ANKS1B: variants seen among roughly 807,000 people sequenced by gnomAD.
The protein encoded by ANKS1B is ankyrin repeat and sterile alpha motif domain containing 1B.
Under a neutral mutation model 148.3 loss-of-function variants are expected in ANKS1B, and 36 were observed. That is an observed-to-expected ratio of 0.24 (90% confidence interval 0.19 to 0.32). ANKS1B has a LOEUF of 0.32. Ranked by LOEUF, ANKS1B falls within the 10% of genes least tolerant of loss-of-function variation. The pLI is 1.00. For missense variants in ANKS1B, 1,157 were observed against 1,542.6 expected, an observed-to-expected ratio of 0.75 and a Z score of 4.19; for synonymous variants, 542 against 560.8, an observed-to-expected ratio of 0.97 and a Z score of 0.47.
intron 12 of ANKS1B, among the ~76,000 whole-genome samples, chr12:99,355,371 T>C (rs2091874553): frequency 6.6e-6 from 1 of 152,206 alleles, no homozygotes. Context: ...TTTGAAGTAT[T>C]TGCAGTCTTA....
intron 10 of ANKS1B, among the ~76,000 whole-genome samples, chr12:99,467,479 G>A (rs1364914661): frequency 6.6e-6 from 1 of 152,132 alleles, no homozygotes; most frequent in African/African-American, 2.4e-5. Flanking sequence ...TATTCGATTA[G>A]GAAAAGAGGA....
At chr12:99,807,080 T>C (rs1158032709) in intron 3 of ANKS1B, among the ~76,000 whole-genome samples, 3 of 152,180 alleles carry the variant, frequency 2.0e-5, no homozygotes, top group Non-Finnish European at 4.4e-5. Flanking sequence ...TAACAGACTT[T>C]TAATAGACTG....
At chr12:99,391,912 C>T (rs1051147450) in intron 12 of ANKS1B, among the ~76,000 whole-genome samples, 2 of 152,172 alleles carry the variant, frequency 1.3e-5, no homozygotes, top group Non-Finnish European at 2.9e-5. Context: ...TTTACCATTA[C>T]ATCTATATGC....
intron 9 of ANKS1B, among the ~76,000 whole-genome samples, chr12:99,581,915 A>G (rs2097574549): frequency 6.6e-6 from 1 of 150,662 alleles, no homozygotes. Flanking sequence ...AAAAAAAAAA[A>G]GAAAAAAGAA....
chr12:99,201,857 T>C (rs965696192), intron 14 of ANKS1B, among the ~76,000 whole-genome samples: 2 of 152,200 alleles, frequency 1.3e-5, no homozygotes, highest in African/African-American at 2.4e-5. Flanking sequence ...AGTTACACAA[T>C]AAGCAGTTAC....
At chr12:99,067,326 TG>T (rs2044684190) in intron 16 of ANKS1B, among the ~76,000 whole-genome samples, 2 of 152,240 alleles carry the variant, frequency 1.3e-5, no homozygotes, top group Admixed American at 1.3e-4. Flanking sequence ...TTGGCTAAGG[TG>T]CCCTTGATGG....
At chr12:98,904,571 A>G (rs2099776411) in intron 17 of ANKS1B, among the ~76,000 whole-genome samples, 1 of 152,186 alleles carries the variant, frequency 6.6e-6, no homozygotes, top group South Asian at 2.1e-4. Context: ...TCAGAATAAC[A>G]CTTTTATGTT....
chr12:99,813,375 C>T (rs531382677), intron 2 of ANKS1B, among the ~76,000 whole-genome samples: 1 of 151,194 alleles, frequency 6.6e-6, no homozygotes, highest in Non-Finnish European at 1.5e-5. Flanking sequence ...GTCAGACACA[C>T]ATAAATAAAA....
At chr12:99,265,343 G>C (rs1464257832) in intron 12 of ANKS1B, among the ~76,000 whole-genome samples, 6 of 152,032 alleles carry the variant, frequency 3.9e-5, no homozygotes, top group Non-Finnish European at 8.8e-5. Context: ...ATATTCTTAG[G>C]CCTCACTTCA....
intron 12 of ANKS1B, among the ~76,000 whole-genome samples, chr12:99,269,146 T>C (rs1389010138): frequency 3.3e-5 from 5 of 152,224 alleles, no homozygotes; most frequent in African/African-American, 1.2e-4. Flanking sequence ...GGCTCCTAAA[T>C]GAACAGATGA....
At position 99,341,694 on chromosome 12, in the gene ANKS1B, C is replaced by T. The variant is rs138183252; in HGVS notation, c.1756+57937G>A. On this transcript the variant is annotated intron_variant, in intron 12 of 26. Coordinates refer to ENST00000683438, the MANE Select transcript of ANKS1B (RefSeq NM_001352186.2). ...ATATAATGGATACAGAATGGGTAAT[C>T]AGTAAGCCAGTCTGCAGTATCTGGT... is the stretch of plus-strand genomic sequence containing the variant. Among the ~76,000 whole-genome samples the T allele has an allele frequency of 2.6e-5, 4 of 152,184 alleles. No homozygotes were observed. The East Asian group carries it at 5.8e-4, about 22-fold the overall frequency.
chr12:99,528,194 C>T (rs928016840), intron 9 of ANKS1B, among the ~76,000 whole-genome samples: 3 of 151,984 alleles, frequency 2.0e-5, no homozygotes, highest in African/African-American at 7.2e-5. Context: ...AACTGGACCC[C>T]TTCCTTACAC....
chr12:99,899,505 T>C (rs2093509573), intron 1 of ANKS1B, among the ~76,000 whole-genome samples: 1 of 152,196 alleles, frequency 6.6e-6, no homozygotes, highest in African/African-American at 2.4e-5. Flanking sequence ...GATCCATCTC[T>C]AGCTGTAAAA....
At chr12:99,654,986 T>C (rs1167534146) in intron 9 of ANKS1B, 81 bp downstream of exon 9, 1 of 1,422,038 alleles carries the variant, frequency 7.0e-7, no homozygotes, top group African/African-American at 1.4e-5. Flanking sequence ...AATTTGATTT[T>C]CGAAGGGGAG....
At chr12:99,196,428 A>G (rs1566607321) in intron 14 of ANKS1B, among the ~76,000 whole-genome samples, 1 of 152,102 alleles carries the variant, frequency 6.6e-6, no homozygotes, top group African/African-American at 2.4e-5. Context: ...ACCATGCATC[A>G]GCTGTCACCT....
chr12:99,372,619 G>C (rs1566977066), intron 12 of ANKS1B, among the ~76,000 whole-genome samples: 1 of 152,004 alleles, frequency 6.6e-6, no homozygotes, highest in East Asian at 1.9e-4. Flanking sequence ...GTCATACATA[G>C]AAAAATTGCT....
At chr12:99,442,544 A>T (rs1381853249) in intron 11 of ANKS1B, among the ~76,000 whole-genome samples, 1 of 151,924 alleles carries the variant, frequency 6.6e-6, no homozygotes, top group Non-Finnish European at 1.5e-5. Context: ...TCAGTTGGAC[A>T]ATGTAGCCCC....
At chr12:99,379,795 G>A (rs2093560482) in intron 12 of ANKS1B, among the ~76,000 whole-genome samples, 1 of 152,092 alleles carries the variant, frequency 6.6e-6, no homozygotes, top group South Asian at 2.1e-4. Context: ...AGATCTACTG[G>A]GTTATGCTAA....
Position 99,866,335 on chromosome 12 carries a change from A to G in ANKS1B, c.135-40946T>C, listed in dbSNP as rs556657196. On this transcript the variant is annotated intron_variant, in intron 1 of 26. Coordinates refer to ENST00000683438, the MANE Select transcript of ANKS1B (RefSeq NM_001352186.2). The stretch of plus-strand genomic sequence containing the variant: ...AACGGTGTTTTTATGGCTCTATTAC[A>G]GAAGTATCCAGCATACTTGCATTTT... 2.0e-5 allele frequency among the ~76,000 whole-genome samples: 3 copies of G among 152,306 alleles called. No individual in the cohort carries two copies. In the East Asian group the frequency reaches 5.8e-4, roughly 29 times the overall value.
Sources: allele counts gnomAD v4.1 joint callset (sites outside exome capture counted in the v4.1 genomes callset), GRCh38; gene constraint gnomAD v4.1.1; transcripts MANE v1.5; gene names NCBI Gene and HGNC (gene_info 2026-07-23, HGNC 2026-07-21).